CIMIP3: variants seen among roughly 807,000 people sequenced by gnomAD.
CIMIP3 encodes ciliary microtubule inner protein 3, also known as GUCA1A neighbor.
At chr6:42,162,090 CTTTTTTTTT>C in the CIMIP3 span, among the ~76,000 whole-genome samples, 12 of 63,092 alleles carry the variant, frequency 1.9e-4, no homozygotes, top group South Asian at 5.5e-3. Flanking sequence ...AAGCCACATT[CTTTTTTTTT>C]TTTTTTTTTT....
the CIMIP3 span, among the ~76,000 whole-genome samples, chr6:42,157,869 T>C: frequency 6.6e-6 from 1 of 152,164 alleles, no homozygotes; most frequent in African/African-American, 2.4e-5. Context: ...TGGGGCTTCT[T>C]CCTCAACCCT....
the CIMIP3 span, among the ~76,000 whole-genome samples, chr6:42,161,809 C>G: frequency 6.6e-6 from 1 of 152,138 alleles, no homozygotes; most frequent in African/African-American, 2.4e-5. Flanking sequence ...CAAGCTTTCT[C>G]TAAATGCATT....
the CIMIP3 span, chr6:42,155,609 A>G: frequency 2.8e-6 from 2 of 717,438 alleles, no homozygotes; most frequent in South Asian, 1.5e-5. Context: ...TCCTCTTACA[A>G]AAGGCTTAGT....
chr6:42,158,013 C>T, the CIMIP3 span, among the ~76,000 whole-genome samples: 1 of 152,208 alleles, frequency 6.6e-6, no homozygotes, highest in African/African-American at 2.4e-5. Context: ...GCACCCACCC[C>T]ACACTGTGTG....
chr6:42,161,559 G>C, the CIMIP3 span, among the ~76,000 whole-genome samples: 1 of 152,184 alleles, frequency 6.6e-6, no homozygotes, highest in African/African-American at 2.4e-5. Flanking sequence ...GAAGGGTAGT[G>C]ACAGAGGAAT....
chr6:42,156,570 C>G, the CIMIP3 span, among the ~76,000 whole-genome samples: 136 of 152,270 alleles, frequency 8.9e-4, 1 homozygote, highest in Admixed American at 2.1e-3. Flanking sequence ...TGTGCTCCCC[C>G]AAAGGGAAAC....
chr6:42,163,336 G>T, the CIMIP3 span: 2 of 448,722 alleles, frequency 4.5e-6, no homozygotes. Context: ...ACTGCAGGAG[G>T]AGTGACCTAT....
the CIMIP3 span, chr6:42,163,055 G>C: frequency 1.4e-6 from 1 of 717,606 alleles, no homozygotes; most frequent in Non-Finnish European, 2.6e-6. Flanking sequence ...CTATGTGCCG[G>C]TCGTTGTGGA....
At chr6:42,161,385 C>T in the CIMIP3 span, among the ~76,000 whole-genome samples, 1 of 151,992 alleles carries the variant, frequency 6.6e-6, no homozygotes, top group African/African-American at 2.4e-5. Context: ...CCTGGGGGAG[C>T]AGAATAGATC....
At chr6:42,157,319 C>T in the CIMIP3 span, among the ~76,000 whole-genome samples, 1 of 152,100 alleles carries the variant, frequency 6.6e-6, no homozygotes. Flanking sequence ...GTAACCTCCT[C>T]CTCCCTGTAA....
chr6:42,160,795 C>G, the CIMIP3 span, among the ~76,000 whole-genome samples: 4 of 152,298 alleles, frequency 2.6e-5, no homozygotes, highest in East Asian at 5.8e-4. Flanking sequence ...ATTTGCAAAA[C>G]TGAGGGCACA....
At chr6:42,160,367 G>A in the CIMIP3 span, among the ~76,000 whole-genome samples, 1 of 152,150 alleles carries the variant, frequency 6.6e-6, no homozygotes, top group Non-Finnish European at 1.5e-5. Flanking sequence ...TGTGCCCTGG[G>A]GCTGAGCCTG....
the CIMIP3 span, among the ~76,000 whole-genome samples, chr6:42,161,581 A>G: frequency 6.6e-6 from 1 of 152,134 alleles, no homozygotes; most frequent in Non-Finnish European, 1.5e-5. Flanking sequence ...AATAAATGTC[A>G]ATGTGAGGCG....
chr6:42,156,214 C>T, the CIMIP3 span, among the ~76,000 whole-genome samples: 2 of 151,684 alleles, frequency 1.3e-5, no homozygotes, highest in Admixed American at 6.6e-5. Flanking sequence ...CAGGCTGGTC[C>T]CGAACTCCTG....
the CIMIP3 span, chr6:42,163,191 A>G: frequency 1.7e-6 from 1 of 604,714 alleles, no homozygotes; most frequent in South Asian, 2.0e-5. Context: ...CGGGACACTG[A>G]CCACACCCGC....
the CIMIP3 span, among the ~76,000 whole-genome samples, chr6:42,161,549 G>A: frequency 1.3e-5 from 2 of 152,194 alleles, no homozygotes; most frequent in Admixed American, 6.5e-5. Context: ...TTGGTCACAG[G>A]AAGGGTAGTG....
chr6:42,158,098 G>A, the CIMIP3 span, among the ~76,000 whole-genome samples: 1 of 152,190 alleles, frequency 6.6e-6, no homozygotes, highest in Non-Finnish European at 1.5e-5. Context: ...GAGAACCAAT[G>A]ATCTAAAGTC....
chr6:42,156,371 T>A, the CIMIP3 span, among the ~76,000 whole-genome samples: 321 of 151,706 alleles, frequency 2.1e-3, no homozygotes, highest in Non-Finnish European at 3.9e-3. Flanking sequence ...CCCAGGCTGG[T>A]CTTGAACTTT....
the CIMIP3 span, among the ~76,000 whole-genome samples, chr6:42,161,413 AGG>A: frequency 1.3e-5 from 2 of 152,128 alleles, no homozygotes; most frequent in Admixed American, 6.5e-5. Context: ...ACACACACGC[AGG>A]ATGGATGATT....
Sources: gnomAD v4.1 joint callset for allele counts (sites outside exome capture counted in the v4.1 genomes callset) on GRCh38, gnomAD v4.1.1 for gene constraint, MANE v1.5 for transcripts, NCBI Gene and HGNC (gene_info 2026-07-23, HGNC 2026-07-21) for gene names.